The following FTCDNL1 variants were observed in gnomAD, a reference collection of about 807,000 sequenced individuals.
The protein encoded by FTCDNL1 is formiminotransferase N-terminal subdomain-containing protein.
Under a neutral mutation model 5.9 loss-of-function variants are expected in FTCDNL1, and 11 were observed. The observed-to-expected ratio is 1.87, with a 90% CI of 1.18 to 3.10. The LOEUF is 3.10. Ranked by LOEUF, FTCDNL1 falls within the 30% of genes most tolerant of loss-of-function variation. FTCDNL1 has a pLI of 0.00. For missense variants in FTCDNL1, 115 were observed against 65.5 expected, an observed-to-expected ratio of 1.76 and a Z score of -2.61; for synonymous variants, 58 against 24.8, an observed-to-expected ratio of 2.34 and a Z score of -3.99.
At position 199,812,528 on chromosome 2, in the gene FTCDNL1, T is replaced by C. The variant is rs768587587; in HGVS notation, c.*177A>G. Reference sequence around the variant, plus strand: ...ATCGTATTTCTAGTTAAATGTCATATAATTAAAGTAATTCCACTTTTTGCT... The same window carrying C: ...ATCGTATTTCTAGTTAAATGTCATACAATTAAAGTAATTCCACTTTTTGCT... On this transcript the variant is annotated 3_prime_UTR_variant, in exon 5 of 5. Transcript: ENST00000420128. The C allele has an allele frequency of 4.9e-5, 22 of 449,608 alleles. No homozygotes were observed. The highest frequency in any genetic ancestry group is 2.0e-5 in the African/African-American group (1 of 49,586). The allele number at this position is 449,608 out of a possible 1,614,324, so 27.9% of individuals were successfully genotyped here. A position where few individuals can be genotyped will look rare whatever the true frequency, so the allele number is the denominator to read the frequency against.
intron 3 of FTCDNL1, among the ~76,000 whole-genome samples, chr2:199,840,552 A>G (rs1166180941): frequency 1.3e-5 from 2 of 152,068 alleles, no homozygotes; most frequent in Admixed American, 1.3e-4. Context: ...GTGAGAAGTC[A>G]ATAGATAATG....
chr2:199,804,264 G>A lies in FTCDNL1; in HGVS notation c.211+41811C>T, dbSNP rs140319324. The stretch of plus-strand genomic sequence containing the variant: ...GTTAGGAAACTGACTGGCTTCAGAC[G>A]GGGCTTCCTGAGAAAAAGTTGATAG... On this transcript the variant is annotated intron_variant, in intron 3 of 3. Coordinates refer to the FTCDNL1 transcript ENST00000416668. Among the ~76,000 whole-genome samples the A allele has an allele frequency of 2.4e-3, 372 of 152,240 alleles. 5 individuals are homozygous for A. Among genetic ancestry groups the A allele is most frequent in the African/African-American group, 8.4e-3 (349 of 41,544 alleles).
chr2:199,812,745 C>A lies in FTCDNL1; in HGVS notation c.398-21G>T, dbSNP rs897486011. 2.0e-4 allele frequency: 138 copies of A among 697,364 alleles called. 2 individuals carry two copies. Among genetic ancestry groups the A allele is most frequent in the Non-Finnish European group, 1.0e-4 (40 of 382,936 alleles). 43.2% of individuals were successfully genotyped at this position (697,364 alleles called of 1,614,324 possible). ...GCAAGCTAAAAACAAGGAAAAAAAT[C>A]TTTGGTATGATTTCGTTTTCCATGT... On this transcript the variant is annotated intron_variant, in intron 4 of 4. Coordinates refer to ENST00000420128, the MANE Select transcript of FTCDNL1 (RefSeq NM_001363886.2).
chr2:199,786,278 C>T (rs1347097751), intron 3 of FTCDNL1, among the ~76,000 whole-genome samples: 1 of 151,834 alleles, frequency 6.6e-6, no homozygotes, highest in Non-Finnish European at 1.5e-5. Context: ...TATGCATACA[C>T]ATAATGGGGA....
At chr2:199,731,932 C>G in the FTCDNL1 span, among the ~76,000 whole-genome samples, 5 of 151,804 alleles carry the variant, frequency 3.3e-5, no homozygotes, top group Non-Finnish European at 5.9e-5. Context: ...TATTCCAGCT[C>G]TGTGCTATCA....
the FTCDNL1 span, among the ~76,000 whole-genome samples, chr2:199,751,851 C>T: frequency 6.7e-6 from 1 of 149,976 alleles, no homozygotes; most frequent in African/African-American, 2.4e-5. Context: ...CTCCCTCTCA[C>T]CAATGAGCCC....
the FTCDNL1 span, among the ~76,000 whole-genome samples, chr2:199,717,738 C>T: frequency 2.0e-5 from 3 of 151,824 alleles, no homozygotes; most frequent in Non-Finnish European, 2.9e-5. Flanking sequence ...CAAGGCTTGA[C>T]TTAGTGCTAT....
the FTCDNL1 span, among the ~76,000 whole-genome samples, chr2:199,752,187 G>A: frequency 1.3e-5 from 2 of 152,118 alleles, no homozygotes; most frequent in East Asian, 1.9e-4. Context: ...CGACTTCCAG[G>A]CACAGCCAAC....
At chr2:199,724,319 T>C in the FTCDNL1 span, among the ~76,000 whole-genome samples, 5 of 152,134 alleles carry the variant, frequency 3.3e-5, no homozygotes, top group African/African-American at 7.2e-5. Flanking sequence ...ATTTTATTAA[T>C]GTTTTCAAAA....
At chr2:199,818,048 C>A (rs752318778) in intron 4 of FTCDNL1, among the ~76,000 whole-genome samples, 95 of 152,148 alleles carry the variant, frequency 6.2e-4, no homozygotes, top group Non-Finnish European at 4.7e-4. Flanking sequence ...AACAGCACTG[C>A]AAAAATGAGA....
At chr2:199,831,330 T>C (rs1702357480) in intron 3 of FTCDNL1, among the ~76,000 whole-genome samples, 1 of 152,222 alleles carries the variant, frequency 6.6e-6, no homozygotes, top group Admixed American at 6.5e-5. Context: ...TTGTATTTGC[T>C]CTAGGAAAAG....
At chr2:199,790,485 G>A (rs1371283083) in intron 3 of FTCDNL1, among the ~76,000 whole-genome samples, 8 of 146,238 alleles carry the variant, frequency 5.5e-5, no homozygotes, top group Non-Finnish European at 7.5e-5. Context: ...GTGACAGAGC[G>A]AGACTCTGTC....
At position 199,812,734 on chromosome 2, in the gene FTCDNL1, A is replaced by G. The variant is rs2106459643; in HGVS notation, c.398-10T>C. ...AACGCCCTGAAGCAAGCTAAAAACA[A>G]GGAAAAAAATCTTTGGTATGATTTC... On this transcript the variant is annotated splice_polypyrimidine_tract_variant and intron_variant, in intron 4 of 4. Coordinates refer to ENST00000420128, the MANE Select transcript of FTCDNL1 (RefSeq NM_001363886.2). 4 of 698,580 alleles carry G rather than the reference A, an allele frequency of 5.7e-6. No individual in the cohort carries two copies. Among genetic ancestry groups the G allele is most frequent in the Non-Finnish European group, 1.0e-5 (4 of 383,450 alleles). The allele number at this position is 698,580 out of a possible 1,614,324, so 43.3% of individuals were successfully genotyped here.
chr2:199,771,462 T>C (rs1299802489), intron 3 of FTCDNL1, among the ~76,000 whole-genome samples: 1 of 152,144 alleles, frequency 6.6e-6, no homozygotes, highest in Admixed American at 6.5e-5. Flanking sequence ...TCTTGAACCA[T>C]AAAAAATAGT....
chr2:199,679,110 G>A, the FTCDNL1 span, among the ~76,000 whole-genome samples: 1 of 152,028 alleles, frequency 6.6e-6, no homozygotes, highest in African/African-American at 2.4e-5. Flanking sequence ...ATTCTTTGTT[G>A]ATTTAGCAGG....
chr2:199,827,671 G>GA (rs150116417), intron 3 of FTCDNL1, among the ~76,000 whole-genome samples: 39 of 149,414 alleles, frequency 2.6e-4, no homozygotes, highest in Non-Finnish European at 5.2e-4. Context: ...GAAAGAAAAG[G>GA]AAAAAAAAAG....
intron 3 of FTCDNL1, among the ~76,000 whole-genome samples, chr2:199,779,830 G>A (rs1219046847): frequency 2.0e-5 from 3 of 152,100 alleles, no homozygotes; most frequent in African/African-American, 4.8e-5. Flanking sequence ...GGTTGTCCTC[G>A]CTCCTAAGAA....
the FTCDNL1 span, among the ~76,000 whole-genome samples, chr2:199,740,094 CT>C: frequency 6.6e-6 from 1 of 152,188 alleles, no homozygotes; most frequent in African/African-American, 2.4e-5. Flanking sequence ...ATTACCGCAC[CT>C]TTTTTCACTT....
In FTCDNL1 at chr2:199,817,515, G is replaced by T. The variant is rs143227029; in HGVS notation, c.397+2057C>A. Among the ~76,000 whole-genome samples, 346 of 152,138 alleles carry T rather than the reference G, an allele frequency of 2.3e-3. 5 individuals carry two copies. The highest frequency in any genetic ancestry group is 7.9e-3 in the African/African-American group (328 of 41,508). ...GAGAATAAAATCATGGGCCAGGCACGGGGGGTCACGCCTATAATCCCAGGA... is the reference window on the plus strand; with the variant it reads ...GAGAATAAAATCATGGGCCAGGCACTGGGGGTCACGCCTATAATCCCAGGA... On this transcript the variant is annotated intron_variant, in intron 4 of 4. Transcript: ENST00000420128.
Sources: allele counts gnomAD v4.1 joint callset (sites outside exome capture counted in the v4.1 genomes callset), GRCh38; gene constraint gnomAD v4.1.1; transcripts MANE v1.5; gene names NCBI Gene and HGNC (gene_info 2026-07-23, HGNC 2026-07-21).